Variants in CADM1 observed in about 807,000 individuals in gnomAD.
CADM1 encodes the protein cell adhesion molecule 1.
In CADM1, 15 loss-of-function variants were observed where a neutral mutation model predicts 53.1. The ratio of observed to expected loss-of-function variants is 0.28; its 90% CI spans 0.19 to 0.44. The LOEUF (loss-of-function observed/expected upper bound fraction) is 0.44. Ranked by LOEUF, CADM1 falls within the 20% of genes least tolerant of loss-of-function variation. CADM1 has a pLI of 1.00. For synonymous variants in CADM1, 281 were observed against 243.0 expected (o/e 1.16, Z -1.45); for missense variants, 434 against 611.3 (o/e 0.71, Z 3.06).
At chr11:115,290,062 C>T (rs911735342) in intron 1 of CADM1, among the ~76,000 whole-genome samples, 2 of 152,184 alleles carry the variant, frequency 1.3e-5, no homozygotes, top group African/African-American at 2.4e-5. Context: ...GCCACAGCGT[C>T]GTGCTCAGAT....
chr11:115,366,129 C>T (rs1331800975), intron 1 of CADM1, among the ~76,000 whole-genome samples: 1 of 152,232 alleles, frequency 6.6e-6, no homozygotes, highest in East Asian at 1.9e-4. Context: ...CAGCCTTGCA[C>T]AGATAGCACT....
chr11:115,293,161 G>A (rs1297353484), intron 1 of CADM1, among the ~76,000 whole-genome samples: 3 of 152,142 alleles, frequency 2.0e-5, no homozygotes, highest in Non-Finnish European at 4.4e-5. Flanking sequence ...GCCGGGTGAC[G>A]GTGACTCACG....
intron 1 of CADM1, among the ~76,000 whole-genome samples, chr11:115,318,916 A>G (rs968333328): frequency 1.3e-5 from 2 of 152,230 alleles, no homozygotes. Context: ...AAGTAGCAAG[A>G]ATAATAATTA....
chr11:115,403,543 T>C (rs1215154365), intron 1 of CADM1, among the ~76,000 whole-genome samples: 5 of 151,918 alleles, frequency 3.3e-5, no homozygotes, highest in Non-Finnish European at 2.9e-5. Context: ...TTTGGCATTG[T>C]TTTTGCAATT....
At chr11:115,206,754 ACTT>A (rs1565297410) in intron 8 of CADM1, among the ~76,000 whole-genome samples, 3 of 6,692 alleles carry the variant, frequency 4.5e-4, no homozygotes, top group Admixed American at 1.7e-3. Flanking sequence ...ATGACTGTGG[ACTT>A]CTTTTTTTTT....
chr11:115,481,571 G>C (rs921849235), intron 1 of CADM1, among the ~76,000 whole-genome samples: 2 of 152,122 alleles, frequency 1.3e-5, no homozygotes, highest in African/African-American at 4.8e-5. Context: ...AGTGCTGCTA[G>C]GTATCTTCAC....
At chr11:115,482,614 G>A (rs1302743065) in intron 1 of CADM1, among the ~76,000 whole-genome samples, 1 of 152,132 alleles carries the variant, frequency 6.6e-6, no homozygotes, top group African/African-American at 2.4e-5. Context: ...TGGAAGTAGA[G>A]GTATTTATAA....
chr11:115,457,698 A>G (rs1005881348), intron 1 of CADM1, among the ~76,000 whole-genome samples: 1 of 151,966 alleles, frequency 6.6e-6, no homozygotes, highest in African/African-American at 2.4e-5. Flanking sequence ...CCTCCCCCCT[A>G]TACCTCCTTT....
intron 1 of CADM1, among the ~76,000 whole-genome samples, chr11:115,313,592 G>T (rs1425374658): frequency 6.6e-6 from 1 of 152,172 alleles, no homozygotes; most frequent in African/African-American, 2.4e-5. Flanking sequence ...CCAAGAGACT[G>T]CTAACTGTCC....
At chr11:115,483,954 C>A (rs1018029626) in intron 1 of CADM1, among the ~76,000 whole-genome samples, 1 of 152,130 alleles carries the variant, frequency 6.6e-6, no homozygotes, top group Non-Finnish European at 1.5e-5. Flanking sequence ...AAAAAGGATG[C>A]CAAACTAGCC....
intron 7 of CADM1, among the ~76,000 whole-genome samples, chr11:115,213,153 T>G (rs1941032911): frequency 6.6e-6 from 1 of 152,178 alleles, no homozygotes; most frequent in African/African-American, 2.4e-5. Context: ...AACAGCAATG[T>G]CGGGGACTCC....
intron 1 of CADM1, among the ~76,000 whole-genome samples, chr11:115,496,227 T>C (rs185603934): frequency 1.3e-5 from 2 of 152,254 alleles, no homozygotes; most frequent in East Asian, 1.9e-4. Flanking sequence ...AAGAAACTTG[T>C]GGGTTGAGGT....
At chr11:115,445,784 G>A (rs774929982) in intron 1 of CADM1, 51 of 453,196 alleles carry the variant, frequency 1.1e-4, no homozygotes, top group Non-Finnish European at 2.0e-4. Flanking sequence ...GGCCGAGGCT[G>A]CAGTGAGCCG....
At chr11:115,206,758 C>CTTTTTTTTTT (rs56270694) in intron 8 of CADM1, among the ~76,000 whole-genome samples, 1,415 of 38,202 alleles carry the variant, frequency 0.037, 637 homozygotes, top group Middle Eastern at 0.11. Context: ...CTGTGGACTT[C>CTTTTTTTTTT]TTTTTTTTTT....
chr11:115,377,556 C>T (rs1464313303), intron 1 of CADM1: 1 of 152,110 alleles, frequency 6.6e-6, no homozygotes, highest in Non-Finnish European at 1.5e-5. Context: ...ATAAAATTCC[C>T]TACTTAATAA....
intron 10 of CADM1, among the ~76,000 whole-genome samples, chr11:115,181,849 C>T (rs550597282): frequency 6.6e-6 from 1 of 152,322 alleles, no homozygotes; most frequent in East Asian, 1.9e-4. Context: ...CGGGCTGTGC[C>T]TCACTCATGA....
intron 1 of CADM1, among the ~76,000 whole-genome samples, chr11:115,293,225 G>T (rs1825609734): frequency 6.6e-6 from 1 of 152,190 alleles, no homozygotes; most frequent in African/African-American, 2.4e-5. Flanking sequence ...GGGGTCAGGA[G>T]ATCAAGACCA....
intron 1 of CADM1, among the ~76,000 whole-genome samples, chr11:115,290,639 A>T (rs895925861): frequency 1.3e-5 from 2 of 152,228 alleles, no homozygotes; most frequent in African/African-American, 4.8e-5. Context: ...TTGACAAAAT[A>T]AAACACACAC....
In CADM1 at chr11:115,423,668, ATTGAT is replaced by A. The variant is rs956885973; in HGVS notation, c.124+80598_124+80602del. ...CTCACTTTGAACCTTATTAGGTAAT[ATTGAT>A]TTAAGTAGAGGGGAACTCTTGAAGT... On this transcript the variant is annotated intron_variant, in intron 1 of 11. Coordinates refer to ENST00000331581, the MANE Select transcript of CADM1 (RefSeq NM_001301043.2). 1.2e-4 allele frequency among the ~76,000 whole-genome samples: 18 copies of A among 152,208 alleles called. 3 individuals are homozygous for A. Among genetic ancestry groups the A allele is most frequent in the Admixed American group, 1.2e-3 (18 of 15,278 alleles).
Sources: gnomAD v4.1 joint callset for allele counts (sites outside exome capture counted in the v4.1 genomes callset) on GRCh38, gnomAD v4.1.1 for gene constraint, MANE v1.5 for transcripts, NCBI Gene and HGNC (gene_info 2026-07-23, HGNC 2026-07-21) for gene names.